Variants in GSTA2 observed in about 807,000 individuals in gnomAD.
GSTA2 encodes the protein glutathione S-transferase alpha 2.
GSTA2 carries 27 observed loss-of-function variants against 22.4 expected under a neutral mutation model. The ratio of observed to expected loss-of-function variants is 1.21; its 90% CI spans 0.89 to 1.67. The LOEUF (loss-of-function observed/expected upper bound fraction) is 1.67. Ranked by LOEUF, GSTA2 falls within the 40% of genes most tolerant of loss-of-function variation. GSTA2 has a pLI of 0.00. For synonymous variants in GSTA2, 121 were observed against 86.8 expected (o/e 1.39, Z -2.19); for missense variants, 302 against 260.2 (o/e 1.16, Z -1.11).
chr6:52,750,730 A>T (rs777544026), intron 6 of GSTA2, 31 bp from the exon 7 acceptor site: 1 of 1,610,054 alleles, frequency 6.2e-7, no homozygotes, highest in South Asian at 1.1e-5. Context: ...CCTCACTAAA[A>T]CAACAAGTCA....
chr6:52,760,157 G>C (rs1258845915), intron 1 of GSTA2, among the ~76,000 whole-genome samples: 2 of 152,160 alleles, frequency 1.3e-5, no homozygotes, highest in Non-Finnish European at 2.9e-5. Context: ...ACATGAAAGC[G>C]TAGGGTGTGC....
Position 52,752,876 on chromosome 6 carries a change from C to T in GSTA2, c.392G>A (p.Arg131His), listed in dbSNP as rs754993807. 61 of 1,613,766 alleles carry T rather than the reference C, an allele frequency of 3.8e-5. No homozygotes were observed. Among genetic ancestry groups the T allele is most frequent in the Middle Eastern group, 1.6e-4 (1 of 6,080 alleles). ...LALIQEKTKN[R>H]YFPAFEKVLK... ...TACTTTTTCAAAGGCAGGGAAGTAG[C>T]GATTTTTTGTTTTCTCTTGGATCAA... Residue 131 changes from arginine (R) to histidine (H), a missense_variant, in exon 5 of 7, where the codon CGC (arginine) becomes CAC (histidine). Coordinates refer to ENST00000493422, the MANE Select transcript of GSTA2 (RefSeq NM_000846.5).
chr6:52,754,113 C>T (rs931797402), intron 4 of GSTA2, among the ~76,000 whole-genome samples: 6 of 152,310 alleles, frequency 3.9e-5, no homozygotes, highest in South Asian at 2.1e-4. Flanking sequence ...TTTTTCTCCT[C>T]CATTTATTGA....
chr6:52,751,189 C>A (rs577799491), intron 6 of GSTA2, among the ~76,000 whole-genome samples: 1 of 152,006 alleles, frequency 6.6e-6, no homozygotes, highest in African/African-American at 2.4e-5. Context: ...ACAGCAGGAG[C>A]CGGAGCCCAG....
chr6:52,751,951 A>G (rs1270453877), intron 5 of GSTA2, among the ~76,000 whole-genome samples: 1 of 152,136 alleles, frequency 6.6e-6, no homozygotes, highest in Non-Finnish European at 1.5e-5. Context: ...TGTGGCGTCT[A>G]CACTACCCAC....
intron 3 of GSTA2, 84 bp from the exon 4 acceptor site, chr6:52,755,159 C>A (rs1581773693): frequency 1.3e-6 from 2 of 1,528,232 alleles, no homozygotes; most frequent in Non-Finnish European, 1.8e-6. Flanking sequence ...GTTGAAATGA[C>A]TAAATTTGTA....
intron 5 of GSTA2, among the ~76,000 whole-genome samples, 170 bp downstream of exon 5, chr6:52,752,684 A>T (rs1467909140): frequency 2.6e-5 from 4 of 152,204 alleles, no homozygotes; most frequent in Non-Finnish European, 4.4e-5. Context: ...TAAGTGATAC[A>T]ATTGTTTCTC....
intron 1 of GSTA2, among the ~76,000 whole-genome samples, chr6:52,761,896 C>G (rs1459051914): frequency 6.6e-6 from 1 of 150,690 alleles, no homozygotes; most frequent in Middle Eastern, 3.2e-3. Context: ...ACATAAGAGA[C>G]TCCATTTTGT....
intron 3 of GSTA2, among the ~76,000 whole-genome samples, chr6:52,755,296 C>T (rs1762820022): frequency 1.4e-5 from 2 of 148,112 alleles, no homozygotes; most frequent in Non-Finnish European, 3.0e-5. Context: ...CTCACTGTAA[C>T]CTCTGCCTCC....
At chr6:52,758,511 T>G (rs1472192643) in intron 1 of GSTA2, among the ~76,000 whole-genome samples, 1 of 152,172 alleles carries the variant, frequency 6.6e-6, no homozygotes, top group East Asian at 1.9e-4. Context: ...GGAAGCCAGC[T>G]GGGTGAAGGC....
At chr6:52,756,132 A>G (rs1762839259) in intron 3 of GSTA2, 126 bp downstream of exon 3, 1 of 616,226 alleles carries the variant, frequency 1.6e-6, no homozygotes, top group South Asian at 2.0e-5. Flanking sequence ...CATTTTAACC[A>G]CTTTCTCCCT....
chr6:52,752,837 T>C lies in GSTA2; in HGVS notation c.414+17A>G. ...TTCTAAACTCAGTTCCCCAAAACAC[T>C]GAACAGCTTCACTTACTTTTTCAAA... On this transcript the variant is annotated intron_variant, in intron 5 of 6. Coordinates refer to ENST00000493422, the MANE Select transcript of GSTA2 (RefSeq NM_000846.5). 1.9e-6 allele frequency: 3 copies of C among 1,613,278 alleles called. No homozygotes were observed. In the East Asian group the frequency reaches 6.7e-5, roughly 36 times the overall value.
chr6:52,751,515 G>A, intron 6 of GSTA2, 62 bp downstream of exon 6: 1 of 1,611,058 alleles, frequency 6.2e-7, no homozygotes. Context: ...CCAGGGCCCA[G>A]ATACAAGATC....
At position 52,750,454 on chromosome 6, in the gene GSTA2, A is replaced by T. The variant is rs1185517233; in HGVS notation, c.*123T>A. ...ATAGGAGTTGTATTATTTAATTAGC[A>T]TATAATTTGAAAGAGTTCATTAGCT... On this transcript the variant is annotated 3_prime_UTR_variant, in exon 7 of 7. Transcript: ENST00000493422. 16 of 853,774 alleles carry T rather than the reference A, an allele frequency of 1.9e-5. No homozygotes were observed. The highest frequency in any genetic ancestry group is 2.8e-5 in the Non-Finnish European group (15 of 543,944). The allele number at this position is 853,774 out of a possible 1,614,324, so 52.9% of individuals were successfully genotyped here.
intron 2 of GSTA2, among the ~76,000 whole-genome samples, chr6:52,757,560 T>A (rs1762867714): frequency 6.6e-6 from 1 of 152,222 alleles, no homozygotes; most frequent in Non-Finnish European, 1.5e-5. Flanking sequence ...CAATCGATAT[T>A]TGTGTTTCTA....
In GSTA2 at chr6:52,752,519, T is replaced by A. The variant is rs567042551; in HGVS notation, c.414+335A>T. 1.5e-4 allele frequency among the ~76,000 whole-genome samples: 23 copies of A among 152,270 alleles called. No homozygotes were observed. The South Asian group carries it at 4.6e-3, about 30-fold the overall frequency. ...ACTTTCATCATGCCCCTGTTCAAAG[T>A]CCATGGGGTTCCATAGACTGAACAG... On this transcript the variant is annotated intron_variant, in intron 5 of 6. Transcript: ENST00000493422.
intron 4 of GSTA2, among the ~76,000 whole-genome samples, chr6:52,753,634 G>A (rs147259099): frequency 0.026 from 412 of 16,058 alleles, no homozygotes; most frequent in Non-Finnish European, 0.035. Context: ...GAAATTCTCT[G>A]TACAGTTACA....
At chr6:52,761,813 G>T (rs956561050) in intron 1 of GSTA2, among the ~76,000 whole-genome samples, 2 of 150,596 alleles carry the variant, frequency 1.3e-5, no homozygotes, top group Non-Finnish European at 2.9e-5. Flanking sequence ...AAATCAGATA[G>T]GTAGAGGGCA....
chr6:52,750,426 T>C lies in GSTA2; in HGVS notation c.*151A>G, dbSNP rs1762713766. On this transcript the variant is annotated 3_prime_UTR_variant, in exon 7 of 7. Coordinates refer to ENST00000493422, the MANE Select transcript of GSTA2 (RefSeq NM_000846.5). ...AAGAAATCAATTTTAACTAAGTGGG[T>C]GAATAGGAGTTGTATTATTTAATTA... The C allele has an allele frequency of 1.5e-6, 1 of 647,516 alleles. No homozygotes were observed. Among genetic ancestry groups the C allele is most frequent in the Non-Finnish European group, 2.5e-6 (1 of 398,212 alleles). The allele number at this position is 647,516 out of a possible 1,614,324, so 40.1% of individuals were successfully genotyped here. A position where few individuals can be genotyped will look rare whatever the true frequency, so the allele number is the denominator to read the frequency against.
Sources: allele counts gnomAD v4.1 joint callset (sites outside exome capture counted in the v4.1 genomes callset), GRCh38; gene constraint gnomAD v4.1.1; transcripts MANE v1.5; gene names NCBI Gene and HGNC (gene_info 2026-07-23, HGNC 2026-07-21).